The following UNC5D variants were observed in gnomAD, a reference collection of about 807,000 sequenced individuals.
The protein encoded by UNC5D is netrin receptor UNC5D.
In UNC5D, 39 loss-of-function variants were observed where a neutral mutation model predicts 105.4. That is an observed-to-expected ratio of 0.37 (90% confidence interval 0.29 to 0.48). UNC5D has a LOEUF of 0.48. Among genes scored for constraint, UNC5D ranks in the 20% least tolerant of loss-of-function variants. The pLI, the probability that UNC5D is intolerant of heterozygous loss-of-function variation, is 0.98. For missense variants in UNC5D, 991 were observed against 1,202.4 expected (o/e 0.82, Z 2.60); for synonymous variants, 452 against 450.4 (o/e 1.00, Z -0.04).
intron 1 of UNC5D, among the ~76,000 whole-genome samples, chr8:35,311,051 T>C (rs1212820297): frequency 2.0e-5 from 3 of 152,166 alleles, no homozygotes; most frequent in Non-Finnish European, 4.4e-5. Context: ...AAAGTCATCA[T>C]AGGACTCAGT....
At chr8:35,425,116 C>A (rs1019441732) in intron 1 of UNC5D, among the ~76,000 whole-genome samples, 8 of 152,314 alleles carry the variant, frequency 5.3e-5, no homozygotes, top group South Asian at 4.1e-4. Flanking sequence ...AGCACACCAA[C>A]ATGGCACATG....
At chr8:35,727,784 G>A (rs939083153) in intron 10 of UNC5D, 4 of 152,106 alleles carry the variant, frequency 2.6e-5, no homozygotes, top group African/African-American at 7.2e-5. Context: ...GAATGCCTAC[G>A]CATGATTTAA....
intron 1 of UNC5D, among the ~76,000 whole-genome samples, chr8:35,445,736 G>T (rs371102978): frequency 6.6e-6 from 1 of 151,928 alleles, no homozygotes; most frequent in African/African-American, 2.4e-5. Context: ...GAAACTCTTC[G>T]GGAGGAACCC....
At chr8:35,496,003 C>T (rs1811564502) in intron 1 of UNC5D, among the ~76,000 whole-genome samples, 1 of 152,154 alleles carries the variant, frequency 6.6e-6, no homozygotes, top group African/African-American at 2.4e-5. Flanking sequence ...TAATCCACCT[C>T]ATCATAGTGG....
At chr8:35,627,747 A>G (rs1821778479) in intron 4 of UNC5D, among the ~76,000 whole-genome samples, 1 of 152,062 alleles carries the variant, frequency 6.6e-6, no homozygotes, top group Non-Finnish European at 1.5e-5. Context: ...TGGGCAACAT[A>G]TTAGACCCCT....
intron 1 of UNC5D, among the ~76,000 whole-genome samples, chr8:35,495,780 AC>A (rs1313604495): frequency 2.0e-5 from 3 of 151,834 alleles, no homozygotes; most frequent in Non-Finnish European, 4.4e-5. Flanking sequence ...AGCAGTAAAA[AC>A]CCTATTTTTT....
chr8:35,695,224 T>G (rs1826676280), intron 7 of UNC5D, among the ~76,000 whole-genome samples: 1 of 152,188 alleles, frequency 6.6e-6, no homozygotes, highest in Admixed American at 6.5e-5. Context: ...GAGCTTCTGA[T>G]AAGTAGCTGA....
chr8:35,505,362 T>C (rs1165426944), intron 1 of UNC5D, among the ~76,000 whole-genome samples: 1 of 151,932 alleles, frequency 6.6e-6, no homozygotes, highest in East Asian at 1.9e-4. Context: ...CTTAGTACAA[T>C]TGAATGGCCA....
intron 1 of UNC5D, among the ~76,000 whole-genome samples, chr8:35,281,431 T>A (rs948609183): frequency 7.9e-5 from 12 of 151,960 alleles, no homozygotes; most frequent in Admixed American, 7.9e-4. Context: ...TCTTTTTTTT[T>A]TTTTGCCAAA....
rs76329502 is a variant in UNC5D, at chr8:35,549,905, A to T, written c.322+395A>T. ...TTTGAGTTTCTTTAATCTTTCCTAG[A>T]TTTTATTCTTTGCACTTTATTCTCC... On this transcript the variant is annotated intron_variant, in intron 2 of 16. Transcript: ENST00000404895. Among the ~76,000 whole-genome samples the T allele has an allele frequency of 5.5e-3, 788 of 142,958 alleles. 8 individuals carry two copies. Among genetic ancestry groups the T allele is most frequent in the African/African-American group, 0.019 (716 of 38,116 alleles). The allele number at this position is 142,958 out of a possible 152,430, so 93.8% of individuals were successfully genotyped here. A position where few individuals can be genotyped will look rare whatever the true frequency, so the allele number is the denominator to read the frequency against.
At chr8:35,435,154 G>A (rs926641331) in intron 1 of UNC5D, among the ~76,000 whole-genome samples, 3 of 151,936 alleles carry the variant, frequency 2.0e-5, no homozygotes, top group African/African-American at 7.2e-5. Flanking sequence ...CAAAATTACT[G>A]TATCTATTTT....
At chr8:35,605,487 G>T (rs899093770) in intron 4 of UNC5D, among the ~76,000 whole-genome samples, 2 of 152,170 alleles carry the variant, frequency 1.3e-5, no homozygotes, top group Admixed American at 6.5e-5. Flanking sequence ...GCTACTTGGC[G>T]GTCAGGGACC....
At chr8:35,627,902 G>C (rs923891688) in intron 4 of UNC5D, among the ~76,000 whole-genome samples, 1 of 152,158 alleles carries the variant, frequency 6.6e-6, no homozygotes, top group Non-Finnish European at 1.5e-5. Flanking sequence ...ACTACCGCCT[G>C]GGTGACAGAG....
intron 1 of UNC5D, among the ~76,000 whole-genome samples, chr8:35,295,257 G>A (rs546525351): frequency 3.9e-5 from 6 of 152,106 alleles, no homozygotes; most frequent in Admixed American, 1.3e-4. Context: ...TTTTACAATA[G>A]ATTTTATGGT....
At chr8:35,404,632 G>C (rs1295374607) in intron 1 of UNC5D, among the ~76,000 whole-genome samples, 23 of 152,078 alleles carry the variant, frequency 1.5e-4, no homozygotes, top group Non-Finnish European at 8.8e-5. Flanking sequence ...CTGTTGCCCA[G>C]GCTGGAGTGC....
At chr8:35,727,160 T>C (rs1586540840) in intron 10 of UNC5D, 1 of 153,128 alleles carries the variant, frequency 6.5e-6, no homozygotes, top group Non-Finnish European at 1.5e-5. Flanking sequence ...GACATGATAC[T>C]TAAAGTATCC....
chr8:35,677,471 T>G (rs995786826), intron 4 of UNC5D, among the ~76,000 whole-genome samples: 3 of 152,106 alleles, frequency 2.0e-5, no homozygotes, highest in African/African-American at 7.2e-5. Context: ...GTAGAGAATT[T>G]TTTTTTCCTA....
In UNC5D at chr8:35,299,005, A is replaced by G. The variant is rs759001137; in HGVS notation, c.103+63118A>G. On this transcript the variant is annotated intron_variant, in intron 1 of 16. Transcript: ENST00000404895. ...CTGGAGCTTCAAAGACAATGTCTCC[A>G]CTGTCAATGATTAAACACTTGTGCA... is the stretch of plus-strand genomic sequence containing the variant. Among the ~76,000 whole-genome samples, 114 of 152,180 alleles carry G rather than the reference A, an allele frequency of 7.5e-4. 1 individual carries two copies. The highest frequency in any genetic ancestry group is 2.1e-4 in the Non-Finnish European group (14 of 68,034).
chr8:35,368,245 A>G (rs775291726), intron 1 of UNC5D, among the ~76,000 whole-genome samples: 2 of 152,182 alleles, frequency 1.3e-5, no homozygotes, highest in Non-Finnish European at 2.9e-5. Context: ...AAACAATAGA[A>G]CAACAAACTG....
Sources: allele counts gnomAD v4.1 joint callset (sites outside exome capture counted in the v4.1 genomes callset), GRCh38; gene constraint gnomAD v4.1.1; transcripts MANE v1.5; gene names NCBI Gene and HGNC (gene_info 2026-07-23, HGNC 2026-07-21).